LINGO2: variants seen among roughly 807,000 people sequenced by gnomAD.
LINGO2 encodes leucine rich repeat and Ig domain containing 2.
Under a neutral mutation model 30.6 loss-of-function variants are expected in LINGO2, and 14 were observed. The observed-to-expected ratio is 0.46, with a 90% CI of 0.30 to 0.72. The LOEUF (loss-of-function observed/expected upper bound fraction) is 0.72. Ranked by LOEUF, LINGO2 falls within the 30% of genes least tolerant of loss-of-function variation. The pLI, the probability that LINGO2 is intolerant of heterozygous loss-of-function variation, is 0.07. For missense variants in LINGO2, 729 were observed against 751.7 expected (o/e 0.97, Z 0.35); for synonymous variants, 317 against 288.5 (o/e 1.10, Z -1.00).
intron 4 of LINGO2, among the ~76,000 whole-genome samples, chr9:28,022,274 A>G (rs1013073861): frequency 1.3e-5 from 2 of 152,082 alleles, no homozygotes; most frequent in Non-Finnish European, 2.9e-5. Flanking sequence ...TGACATTGCT[A>G]TCATTCATTT....
chr9:28,373,965 G>T (rs1821012352), intron 2 of LINGO2, among the ~76,000 whole-genome samples: 1 of 151,568 alleles, frequency 6.6e-6, no homozygotes, highest in South Asian at 2.1e-4. Flanking sequence ...CTTTACTATG[G>T]CAGGCATGAC....
chr9:28,507,766 T>C (rs1820212064), intron 1 of LINGO2, among the ~76,000 whole-genome samples: 1 of 152,144 alleles, frequency 6.6e-6, no homozygotes, highest in Admixed American at 6.6e-5. Flanking sequence ...TTTCATGTAC[T>C]ACATAATATG....
chr9:28,686,339 C>G, the LINGO2 span, among the ~76,000 whole-genome samples: 1 of 152,004 alleles, frequency 6.6e-6, no homozygotes, highest in Non-Finnish European at 1.5e-5. Context: ...GGCTCTGGTA[C>G]TGTACATATT....
At chr9:28,016,840 A>G (rs1213200851) in intron 4 of LINGO2, among the ~76,000 whole-genome samples, 2 of 152,144 alleles carry the variant, frequency 1.3e-5, no homozygotes, top group African/African-American at 4.8e-5. Flanking sequence ...GACTCATTCT[A>G]TCAAATCAGG....
chr9:28,169,125 G>C (rs941873166), intron 4 of LINGO2, among the ~76,000 whole-genome samples: 1 of 152,122 alleles, frequency 6.6e-6, no homozygotes, highest in Non-Finnish European at 1.5e-5. Context: ...ATATTTTGTA[G>C]AAAATGTTAA....
intron 2 of LINGO2, among the ~76,000 whole-genome samples, chr9:28,433,865 T>A (rs922532423): frequency 1.3e-5 from 2 of 151,364 alleles, no homozygotes; most frequent in Middle Eastern, 3.4e-3. Flanking sequence ...TGCAAAGATA[T>A]AGAACCAACC....
At chr9:28,336,167 T>G (rs1190473679) in intron 3 of LINGO2, among the ~76,000 whole-genome samples, 1 of 152,130 alleles carries the variant, frequency 6.6e-6, no homozygotes, top group Admixed American at 6.6e-5. Flanking sequence ...TAATTTGCAT[T>G]GCTCTAAATG....
At chr9:28,174,920 G>C (rs1802296301) in intron 4 of LINGO2, among the ~76,000 whole-genome samples, 1 of 129,312 alleles carries the variant, frequency 7.7e-6, no homozygotes, top group East Asian at 2.2e-4. Context: ...GTGTGTGTGT[G>C]TGAGAGAGAG....
the LINGO2 span, among the ~76,000 whole-genome samples, chr9:29,026,818 T>C: frequency 3.3e-5 from 5 of 152,146 alleles, no homozygotes; most frequent in African/African-American, 1.2e-4. Flanking sequence ...AGGTATCTAC[T>C]TTTACCTTAA....
At chr9:28,197,929 TG>T (rs1820072346) in intron 4 of LINGO2, among the ~76,000 whole-genome samples, 1 of 151,908 alleles carries the variant, frequency 6.6e-6, no homozygotes, top group Admixed American at 6.6e-5. Flanking sequence ...TACTGTAAAG[TG>T]CCATTTTTTT....
chr9:28,108,423 G>A (rs1054006819), intron 4 of LINGO2, among the ~76,000 whole-genome samples: 13 of 152,128 alleles, frequency 8.5e-5, no homozygotes, highest in Non-Finnish European at 1.9e-4. Flanking sequence ...ATGTAAGGAA[G>A]ATGCAGTGTG....
chr9:28,125,945 C>T (rs781459335), intron 4 of LINGO2, among the ~76,000 whole-genome samples: 3 of 152,100 alleles, frequency 2.0e-5, no homozygotes, highest in Admixed American at 2.0e-4. Context: ...GAGTACCAAC[C>T]AAACTGCACC....
At chr9:28,563,703 T>A (rs1228798013) in intron 1 of LINGO2, among the ~76,000 whole-genome samples, 2 of 152,160 alleles carry the variant, frequency 1.3e-5, no homozygotes, top group African/African-American at 4.8e-5. Context: ...TTCCCTGGCA[T>A]AAGTCCTCAT....
rs184960668 is a variant in LINGO2, at chr9:28,050,570, A to G, written c.-86-38165T>C. On this transcript the variant is annotated intron_variant, in intron 4 of 5. Coordinates refer to ENST00000379992, the Ensembl canonical transcript of LINGO2. ...CACTGATAGGGTTCTAATCCCCTCCATACTCCAGAATAACAGTTAAAAGAA... is the reference window on the plus strand; with the variant it reads ...CACTGATAGGGTTCTAATCCCCTCCGTACTCCAGAATAACAGTTAAAAGAA... Among the ~76,000 whole-genome samples, 42 of 150,938 alleles carry G rather than the reference A, an allele frequency of 2.8e-4. 1 individual carries two copies. Among genetic ancestry groups the G allele is most frequent in the African/African-American group, 1.0e-3 (41 of 40,936 alleles).
intron 5 of LINGO2, among the ~76,000 whole-genome samples, chr9:28,012,201 G>A (rs7035569): frequency 0.011 from 1,642 of 152,132 alleles, 40 homozygotes; most frequent in African/African-American, 0.038. Context: ...GGAAAAGAGT[G>A]GAGGGAAAGG....
chr9:28,924,641 G>A, the LINGO2 span, among the ~76,000 whole-genome samples: 1 of 152,148 alleles, frequency 6.6e-6, no homozygotes, highest in Non-Finnish European at 1.5e-5. Context: ...ATAGATGTTT[G>A]GAAGGGAAAT....
the LINGO2 span, among the ~76,000 whole-genome samples, chr9:28,942,129 A>G: frequency 2.0e-5 from 3 of 152,142 alleles, no homozygotes; most frequent in Non-Finnish European, 4.4e-5. Flanking sequence ...TTGTAAAGTG[A>G]AAGAGGAGCT....
chr9:29,160,942 T>C, the LINGO2 span, among the ~76,000 whole-genome samples: 918 of 152,334 alleles, frequency 6.0e-3, 8 homozygotes, highest in African/African-American at 0.021. Context: ...GCAGAAGGTA[T>C]AAATGCCCTG....
the LINGO2 span, among the ~76,000 whole-genome samples, chr9:29,016,480 C>A: frequency 6.6e-6 from 1 of 152,086 alleles, no homozygotes; most frequent in African/African-American, 2.4e-5. Context: ...TCTCTTTCAA[C>A]CTTTTACCAC....
Sources: gnomAD v4.1 joint callset for allele counts (sites outside exome capture counted in the v4.1 genomes callset) on GRCh38, gnomAD v4.1.1 for gene constraint, MANE v1.5 for transcripts, NCBI Gene and HGNC (gene_info 2026-07-23, HGNC 2026-07-21) for gene names.